RAB3C: variants seen among roughly 807,000 people sequenced by gnomAD.
RAB3C encodes the protein RAB3C, member RAS oncogene family.
Under a neutral mutation model 26.4 loss-of-function variants are expected in RAB3C, and 17 were observed. The observed-to-expected ratio is 0.64, with a 90% confidence interval of 0.44 to 0.97. The LOEUF (loss-of-function observed/expected upper bound fraction) is 0.97, where lower values mean the gene tolerates loss of function less well. RAB3C is among the 50% of genes least tolerant of loss of function. The pLI, the probability that RAB3C is intolerant of heterozygous loss-of-function variation, is 0.00. For synonymous variants in RAB3C, 91 were observed against 95.9 expected, an observed-to-expected ratio of 0.95 and a Z score of 0.30; for missense variants, 242 against 281.9, an observed-to-expected ratio of 0.86 and a Z score of 1.01.
At chr5:58,713,703 G>A (rs1749109783) in intron 2 of RAB3C, among the ~76,000 whole-genome samples, 1 of 152,122 alleles carries the variant, frequency 6.6e-6, no homozygotes, top group East Asian at 1.9e-4. Context: ...TTAAGAACTT[G>A]CTTTATAAAC....
rs991645018 is a variant in RAB3C, at chr5:58,833,333, C to T, written c.496+8171C>T. Among the ~76,000 whole-genome samples, 993 of 151,190 alleles carry T rather than the reference C, an allele frequency of 6.6e-3. 10 individuals carry two copies. Among genetic ancestry groups the T allele is most frequent in the African/African-American group, 0.021 (854 of 41,082 alleles). ...CATGGCACGGACCCCATCACACACA[C>T]ACACACACACACACACACACACACA... is the stretch of plus-strand genomic sequence containing the variant. On this transcript the variant is annotated intron_variant, in intron 4 of 4. Coordinates refer to ENST00000282878, the MANE Select transcript of RAB3C (RefSeq NM_138453.4).
chr5:58,661,147 T>C (rs1387432794), intron 2 of RAB3C, among the ~76,000 whole-genome samples: 1 of 150,232 alleles, frequency 6.7e-6, no homozygotes, highest in Non-Finnish European at 1.5e-5. Context: ...ACATGGGATA[T>C]TCATTATGTG....
chr5:58,692,891 T>G (rs1748599961), intron 2 of RAB3C, among the ~76,000 whole-genome samples: 1 of 152,046 alleles, frequency 6.6e-6, no homozygotes, highest in South Asian at 2.1e-4. Context: ...GTGGATCACC[T>G]GAGGTTGGGA....
At position 58,854,045 on chromosome 5, in the gene RAB3C, A is replaced by ACACG. The variant is rs1407676728; in HGVS notation, c.*2697_*2698insGCAC. ...TTTCAGCCTTTTGGCCAACACACACACACACACACACACACACACACACAC... is the reference window on the plus strand; with the variant it reads ...TTTCAGCCTTTTGGCCAACACACACACACGCACACACACACACACACACACACAC... On this transcript the variant is annotated 3_prime_UTR_variant, in exon 5 of 5. Transcript: ENST00000282878. 1 of 140,878 alleles carries ACACG rather than the reference A, an allele frequency of 7.1e-6. No homozygotes were observed. Among genetic ancestry groups the ACACG allele is most frequent in the Non-Finnish European group, 1.6e-5 (1 of 64,026 alleles). 8.7% of individuals were successfully genotyped at this position (140,878 alleles called of 1,614,324 possible).
In RAB3C at chr5:58,851,329, C is replaced by A; in HGVS notation, c.662C>A (p.Pro221Gln). ...NTRLKETPPP[P>Q]QPNCAC ...AGACTCAAGGAAACTCCTCCTCCAC[C>A]GCAGCCCAACTGTGCCTGCTAGTGT... Residue 221 changes from proline (P) to glutamine (Q), a missense_variant, in exon 5 of 5, where the codon CCG becomes CAG. Pro to Gln is a moderately conservative substitution (Grantham distance 76). Coordinates refer to ENST00000282878, the MANE Select transcript of RAB3C (RefSeq NM_138453.4). 1 of 1,607,514 alleles carries A rather than the reference C, an allele frequency of 6.2e-7. No individual in the cohort carries two copies. The highest frequency in any genetic ancestry group is 8.5e-7 in the Non-Finnish European group (1 of 1,177,526).
At chr5:58,609,155 G>C (rs1746638347) in intron 1 of RAB3C, among the ~76,000 whole-genome samples, 2 of 152,104 alleles carry the variant, frequency 1.3e-5, no homozygotes, top group South Asian at 4.1e-4. Flanking sequence ...AAACCCGCAT[G>C]TTGTGCACAT....
intron 1 of RAB3C, among the ~76,000 whole-genome samples, chr5:58,587,539 T>C (rs949168066): frequency 3.3e-5 from 5 of 152,186 alleles, no homozygotes; most frequent in Non-Finnish European, 7.4e-5. Context: ...CATAGATCTT[T>C]AGCATTTTTC....
rs141886412 is a variant in RAB3C at position 58,666,748 on chromosome 5, A to G, written c.252+48878A>G. On this transcript the variant is annotated intron_variant, in intron 2 of 4. Transcript: ENST00000282878. ...AGGAAGGCCTGCATCTTCCCCAGGA[A>G]GAAACTGCGACTTCTCTGAAGACAG... Among the ~76,000 whole-genome samples, 361 of 152,316 alleles carry G rather than the reference A, an allele frequency of 2.4e-3. 1 individual carries two copies. The highest frequency in any genetic ancestry group is 5.9e-3 in the Admixed American group (90 of 15,290).
intron 3 of RAB3C, among the ~76,000 whole-genome samples, chr5:58,786,031 G>A (rs903691618): frequency 6.6e-6 from 1 of 152,102 alleles, no homozygotes; most frequent in Non-Finnish European, 1.5e-5. Context: ...GCCCTGCTAA[G>A]GACACACTGA....
At chr5:58,620,432 A>AT (rs959048190) in intron 2 of RAB3C, among the ~76,000 whole-genome samples, 1 of 152,178 alleles carries the variant, frequency 6.6e-6, no homozygotes, top group Non-Finnish European at 1.5e-5. Context: ...CAATACAAAG[A>AT]TTTTGTGCTT....
chr5:58,592,111 C>T (rs1318989232), intron 1 of RAB3C, among the ~76,000 whole-genome samples: 2 of 151,996 alleles, frequency 1.3e-5, no homozygotes, highest in Non-Finnish European at 2.9e-5. Context: ...GTTGGCCACA[C>T]CCATCTCGAA....
chr5:58,770,344 G>A (rs539399511), intron 3 of RAB3C, among the ~76,000 whole-genome samples: 23 of 152,250 alleles, frequency 1.5e-4, no homozygotes, highest in African/African-American at 2.6e-4. Flanking sequence ...CATTCTGGAC[G>A]ACTGACAAAA....
chr5:58,670,054 G>A (rs888429004), intron 2 of RAB3C, among the ~76,000 whole-genome samples: 16 of 152,126 alleles, frequency 1.1e-4, no homozygotes, highest in Admixed American at 7.9e-4. Flanking sequence ...ATCATTCTGT[G>A]TGCCTTTCTC....
intron 3 of RAB3C, among the ~76,000 whole-genome samples, chr5:58,785,854 G>A (rs406992): frequency 0.2 from 30,516 of 152,230 alleles, 3,322 homozygotes; most frequent in African/African-American, 0.28. Context: ...TGAAGCAGGG[G>A]AAATGATGTA....
At chr5:58,682,483 G>A (rs1437555174) in intron 2 of RAB3C, among the ~76,000 whole-genome samples, 1 of 152,042 alleles carries the variant, frequency 6.6e-6, no homozygotes, top group African/African-American at 2.4e-5. Flanking sequence ...AGGAGATCGA[G>A]ACCACCCTGG....
At chr5:58,797,461 C>T (rs2675380) in intron 3 of RAB3C, among the ~76,000 whole-genome samples, 75,405 of 147,844 alleles carry the variant, frequency 0.51, 20,759 homozygotes, top group South Asian at 0.62. Flanking sequence ...CTGCTGCCTC[C>T]ACTTCCCACT....
Position 58,617,172 on chromosome 5 carries a change from A to G in RAB3C, c.25-471A>G, listed in dbSNP as rs140897804. Among the ~76,000 whole-genome samples the G allele has an allele frequency of 2.3e-3, 349 of 152,296 alleles. 3 individuals are homozygous for G. The highest frequency in any genetic ancestry group is 7.6e-3 in the African/African-American group (317 of 41,564). On this transcript the variant is annotated intron_variant, in intron 1 of 4. Coordinates refer to ENST00000282878, the MANE Select transcript of RAB3C (RefSeq NM_138453.4). Reference sequence around the variant, plus strand: ...GGATGTTGATTTGATATGATAATAAATGAAGTAGAGATATGCTTTGGGTGT... The same window carrying G: ...GGATGTTGATTTGATATGATAATAAGTGAAGTAGAGATATGCTTTGGGTGT...
Position 58,856,442 on chromosome 5 carries a change from C to G in RAB3C, c.*5091C>G, listed in dbSNP as rs779411889. On this transcript the variant is annotated 3_prime_UTR_variant, in exon 5 of 5. Coordinates refer to ENST00000282878, the MANE Select transcript of RAB3C (RefSeq NM_138453.4). ...TTTCTTTTAAATTACTGCAGTTTTT[C>G]AAAACACTATCCTCATGGAATGACA... is the stretch of plus-strand genomic sequence containing the variant. 4 of 152,018 alleles carry G rather than the reference C, an allele frequency of 2.6e-5. No homozygotes were observed. The highest frequency in any genetic ancestry group is 5.9e-5 in the Non-Finnish European group (4 of 67,994). The allele number at this position is 152,018 out of a possible 1,614,324, so 9.4% of individuals were successfully genotyped here. A position where few individuals can be genotyped will look rare whatever the true frequency, so the allele number is the denominator to read the frequency against.
At chr5:58,605,820 G>C (rs6868827) in intron 1 of RAB3C, among the ~76,000 whole-genome samples, 61,639 of 151,704 alleles carry the variant, frequency 0.41, 12,598 homozygotes, top group African/African-American at 0.43. Context: ...CAGGAGTCTC[G>C]CTTACACCCG....
Sources: allele counts gnomAD v4.1 joint callset (sites outside exome capture counted in the v4.1 genomes callset), GRCh38; gene constraint gnomAD v4.1.1; transcripts MANE v1.5; gene names NCBI Gene and HGNC (gene_info 2026-07-23, HGNC 2026-07-21).